The following MCC variants were observed in gnomAD, a reference collection of about 807,000 sequenced individuals.
MCC encodes the protein colorectal mutant cancer protein.
Under a neutral mutation model 116.2 loss-of-function variants are expected in MCC, and 90 were observed. The observed-to-expected ratio is 0.77, with a 90% confidence interval of 0.65 to 0.92. The LOEUF (loss-of-function observed/expected upper bound fraction) is 0.92, where lower values mean the gene tolerates loss of function less well. MCC is among the 40% of genes least tolerant of loss of function. MCC has a pLI of 0.00. For synonymous variants in MCC, 578 were observed against 510.5 expected, an observed-to-expected ratio of 1.13 and a Z score of -1.78; for missense variants, 1,516 against 1,312.2, an observed-to-expected ratio of 1.16 and a Z score of -2.40.
At chr5:113,230,097 T>A (rs1763888792) in intron 3 of MCC, among the ~76,000 whole-genome samples, 1 of 152,254 alleles carries the variant, frequency 6.6e-6, no homozygotes. Flanking sequence ...TGTTAAATAG[T>A]GGATTCTAAA....
intron 6 of MCC, among the ~76,000 whole-genome samples, chr5:113,105,050 G>A (rs1425137665): frequency 1.3e-5 from 2 of 152,340 alleles, no homozygotes; most frequent in East Asian, 3.9e-4. Context: ...TAATTATAAT[G>A]TGATTCAGAT....
chr5:113,059,615 G>A (rs1025738925), intron 14 of MCC, among the ~76,000 whole-genome samples: 1 of 152,224 alleles, frequency 6.6e-6, no homozygotes, highest in Non-Finnish European at 1.5e-5. Context: ...GTGGGGGAAG[G>A]CTAATGACAA....
intron 17 of MCC, among the ~76,000 whole-genome samples, chr5:113,030,836 C>T (rs116327181): frequency 2.0e-5 from 3 of 152,184 alleles, no homozygotes; most frequent in South Asian, 2.1e-4. Context: ...AACACAAACT[C>T]AACAGTGCTT....
chr5:113,114,978 G>A (rs1757311663), intron 6 of MCC, among the ~76,000 whole-genome samples: 1 of 148,006 alleles, frequency 6.8e-6, no homozygotes, highest in Non-Finnish European at 1.5e-5. Flanking sequence ...GAGAGCAACT[G>A]CCTCACATGA....
chr5:113,133,991 T>C (rs1239138064), intron 5 of MCC, among the ~76,000 whole-genome samples: 2 of 152,236 alleles, frequency 1.3e-5, no homozygotes. Flanking sequence ...TCCTTGCCAA[T>C]GGACAGTGTG....
chr5:113,389,982 C>T (rs1002266301), intron 1 of MCC, among the ~76,000 whole-genome samples: 4 of 151,894 alleles, frequency 2.6e-5, no homozygotes, highest in African/African-American at 9.7e-5. Flanking sequence ...ATTTCTCTGC[C>T]CTAGGCAAGG....
chr5:113,208,889 G>A (rs1405382098), intron 3 of MCC, among the ~76,000 whole-genome samples: 2 of 152,060 alleles, frequency 1.3e-5, no homozygotes, highest in Admixed American at 1.3e-4. Flanking sequence ...ATTACAATTC[G>A]CTAGAAAATT....
In MCC at chr5:113,104,276, G is replaced by A. The variant is rs1236590442; in HGVS notation, c.1107C>T (p.Ser369=). 2.5e-6 allele frequency: 4 copies of A among 1,613,926 alleles called. No homozygotes were observed. Among genetic ancestry groups the A allele is most frequent in the Admixed American group, 1.7e-5 (1 of 60,004 alleles). ...LENVVCGRKK[S]SCSLSVAEVD... ...CCTCGGCCACGGAGAGGCTGCAGCT[G>A]CTCTTCTTCCTGCCGCAGACAACAT... The change falls in exon 7 of 19, where the codon AGC becomes AGT. Residue 369 remains serine (S), a synonymous_variant. Transcript: ENST00000408903.
rs887763244 is a variant in MCC, at chr5:113,068,115, C to T, written c.1994G>A (p.Gly665Glu). 3 of 1,614,050 alleles carry T rather than the reference C, an allele frequency of 1.9e-6. No homozygotes were observed. The highest frequency in any genetic ancestry group is 2.5e-6 in the Non-Finnish European group (3 of 1,180,046). The stretch of plus-strand genomic sequence containing the variant: ...CCCCACGCCCGCCGCTCGGAACTGC[C>T]CCAGGATGAGGCTCTGCTCACTCTC... The part of the protein sequence containing the change: ...LAESEQSLIL[G>E]QFRAAGVGSS... Residue 665 changes from glycine (G) to glutamate (E), a missense_variant, in exon 13 of 19, where the codon GGG becomes GAG. Transcript: ENST00000408903.
chr5:113,280,649 A>T (rs958863291), intron 3 of MCC, among the ~76,000 whole-genome samples: 1 of 152,170 alleles, frequency 6.6e-6, no homozygotes, highest in Non-Finnish European at 1.5e-5. Context: ...CCAGATGGAG[A>T]AACGTCATCA....
chr5:113,059,910 A>G (rs1277861134), intron 14 of MCC, among the ~76,000 whole-genome samples: 1 of 151,976 alleles, frequency 6.6e-6, no homozygotes, highest in Non-Finnish European at 1.5e-5. Context: ...GACGTCAAAT[A>G]TCCTCTCTTC....
At chr5:113,139,455 C>T (rs1216107889) in intron 5 of MCC, among the ~76,000 whole-genome samples, 1 of 152,102 alleles carries the variant, frequency 6.6e-6, no homozygotes, top group Non-Finnish European at 1.5e-5. Flanking sequence ...TGGTCTAGAA[C>T]CCTTAGTTCC....
At chr5:113,420,017 T>C (rs1770282252) in intron 1 of MCC, among the ~76,000 whole-genome samples, 1 of 147,778 alleles carries the variant, frequency 6.8e-6, no homozygotes, top group African/African-American at 2.5e-5. Context: ...AACTTAAAAG[T>C]ATAATAATAA....
At chr5:113,382,814 T>C (rs1581441888) in intron 2 of MCC, among the ~76,000 whole-genome samples, 1 of 152,174 alleles carries the variant, frequency 6.6e-6, no homozygotes, top group African/African-American at 2.4e-5. Context: ...TCTAGTGTCA[T>C]GTAGACAGTA....
intron 1 of MCC, among the ~76,000 whole-genome samples, chr5:113,469,084 T>A (rs1178157864): frequency 6.6e-6 from 1 of 152,224 alleles, no homozygotes; most frequent in Non-Finnish European, 1.5e-5. Context: ...TTCTTCTTTA[T>A]TAGTCTTGCT....
chr5:113,147,832 C>A (rs1370146450), intron 4 of MCC, among the ~76,000 whole-genome samples: 2 of 152,168 alleles, frequency 1.3e-5, no homozygotes, highest in Admixed American at 6.5e-5. Context: ...AACAAAAATA[C>A]ATGCCGACTA....
At chr5:113,295,630 G>T (rs1330019752) in intron 3 of MCC, among the ~76,000 whole-genome samples, 1 of 152,058 alleles carries the variant, frequency 6.6e-6, no homozygotes, top group African/African-American at 2.4e-5. Context: ...AGATTCAAGG[G>T]GCTGTTATAC....
intron 2 of MCC, among the ~76,000 whole-genome samples, chr5:113,373,737 A>G (rs907105320): frequency 6.6e-6 from 1 of 152,266 alleles, no homozygotes; most frequent in Non-Finnish European, 1.5e-5. Context: ...TGTGAAATAT[A>G]TAAAGGATAC....
At chr5:113,298,768 G>A (rs955287144) in intron 3 of MCC, among the ~76,000 whole-genome samples, 1 of 152,156 alleles carries the variant, frequency 6.6e-6, no homozygotes, top group African/African-American at 2.4e-5. Context: ...GGGAAGACAA[G>A]AATTCAGAGA....
Sources: gnomAD v4.1 joint callset for allele counts (sites outside exome capture counted in the v4.1 genomes callset) on GRCh38, gnomAD v4.1.1 for gene constraint, MANE v1.5 for transcripts, NCBI Gene and HGNC (gene_info 2026-07-23, HGNC 2026-07-21) for gene names.